Variants in ZMAT4 observed in about 807,000 individuals in gnomAD.
ZMAT4 encodes the protein zinc finger matrin-type 4.
Under a neutral mutation model 28.7 loss-of-function variants are expected in ZMAT4, and 17 were observed. That is an observed-to-expected ratio of 0.59 (90% confidence interval 0.41 to 0.89). ZMAT4 has a LOEUF of 0.89. ZMAT4 is among the 40% of genes least tolerant of loss of function. The probability of loss-of-function intolerance (pLI) is 0.00; values close to 1 mark genes in which losing one functional copy is unlikely to be tolerated. For missense variants in ZMAT4, 240 were observed against 283.8 expected, an observed-to-expected ratio of 0.85 and a Z score of 1.11; for synonymous variants, 117 against 109.2, an observed-to-expected ratio of 1.07 and a Z score of -0.44.
rs990107846 is a variant in ZMAT4 at position 40,713,955 on chromosome 8, AAAAAG to A, written c.193-16559_193-16555del. 4.0e-5 allele frequency among the ~76,000 whole-genome samples: 6 copies of A among 151,456 alleles called. No individual in the cohort carries two copies. In the East Asian group the frequency reaches 7.7e-4, roughly 19 times the overall value. ...AAAAAAAAAAGAAAAAGAAAAAGAA[AAAAAG>A]AAAAGAAAAGAAATATACATATCCA... On this transcript the variant is annotated intron_variant, in intron 3 of 6. Transcript: ENST00000297737.
intron 6 of ZMAT4, among the ~76,000 whole-genome samples, chr8:40,538,031 A>G (rs993972902): frequency 3.9e-5 from 6 of 152,224 alleles, no homozygotes; most frequent in African/African-American, 1.4e-4. Context: ...CTGCTCAGCC[A>G]GGGCTCTTTT....
Position 40,748,236 on chromosome 8 carries a change from G to A in ZMAT4, c.192+19405C>T, listed in dbSNP as rs140549395. Among the ~76,000 whole-genome samples, 265 of 152,188 alleles carry A rather than the reference G, an allele frequency of 1.7e-3. 1 individual carries two copies. Among genetic ancestry groups the A allele is most frequent in the African/African-American group, 5.5e-3 (229 of 41,512 alleles). ...GACAAAACTAATAGATGAATTATACGTGATTACAAAACTATTTTGCTATAC... is the reference window on the plus strand; with the variant it reads ...GACAAAACTAATAGATGAATTATACATGATTACAAAACTATTTTGCTATAC... On this transcript the variant is annotated intron_variant, in intron 3 of 6. Coordinates refer to ENST00000297737, the MANE Select transcript of ZMAT4 (RefSeq NM_024645.3).
intron 6 of ZMAT4, among the ~76,000 whole-genome samples, chr8:40,547,152 G>C (rs902127994): frequency 2.0e-5 from 3 of 152,174 alleles, no homozygotes; most frequent in African/African-American, 7.2e-5. Flanking sequence ...AACTCTTAGC[G>C]GGCTTGCGTG....
At chr8:40,715,611 G>T (rs972717553) in intron 3 of ZMAT4, among the ~76,000 whole-genome samples, 2 of 152,054 alleles carry the variant, frequency 1.3e-5, no homozygotes, top group South Asian at 4.1e-4. Context: ...TAATTATTTA[G>T]AGTAAGTAAA....
chr8:40,698,904 A>G (rs543020881), intron 3 of ZMAT4, among the ~76,000 whole-genome samples: 37 of 151,754 alleles, frequency 2.4e-4, no homozygotes, highest in Non-Finnish European at 5.0e-4. Flanking sequence ...CTTTCCCAAT[A>G]GGTCCTCTCC....
chr8:40,562,752 G>A (rs1047634399), intron 6 of ZMAT4, among the ~76,000 whole-genome samples: 2 of 151,896 alleles, frequency 1.3e-5, no homozygotes, highest in African/African-American at 4.8e-5. Context: ...CTTTCTACTT[G>A]ACTCTTTCTG....
chr8:40,704,174 G>T (rs1810258842), intron 3 of ZMAT4, among the ~76,000 whole-genome samples: 1 of 152,228 alleles, frequency 6.6e-6, no homozygotes, highest in African/African-American at 2.4e-5. Flanking sequence ...TATTTCCAGT[G>T]TTATGCATGT....
intron 5 of ZMAT4, among the ~76,000 whole-genome samples, chr8:40,654,146 A>C (rs922375974): frequency 6.6e-6 from 1 of 152,188 alleles, no homozygotes; most frequent in Non-Finnish European, 1.5e-5. Context: ...TCATAGGCAA[A>C]ATAAATCTTG....
chr8:40,847,305 G>A (rs569357889), intron 1 of ZMAT4, among the ~76,000 whole-genome samples: 1 of 152,112 alleles, frequency 6.6e-6, no homozygotes, highest in Non-Finnish European at 1.5e-5. Context: ...AATGCGTAGA[G>A]TCATATTTGC....
chr8:40,780,304 G>T (rs1237095670), intron 2 of ZMAT4, among the ~76,000 whole-genome samples: 1 of 152,102 alleles, frequency 6.6e-6, no homozygotes, highest in Non-Finnish European at 1.5e-5. Flanking sequence ...CTACCACAAA[G>T]CCTGTTTTAT....
rs75212049 is a variant in ZMAT4, at chr8:40,546,344, C to T, written c.675-14106G>A. Among the ~76,000 whole-genome samples, 29 of 151,396 alleles carry T rather than the reference C, an allele frequency of 1.9e-4. No individual in the cohort carries two copies. In the East Asian group the frequency reaches 5.5e-3, roughly 28 times the overall value. On this transcript the variant is annotated intron_variant, in intron 6 of 6. Transcript: ENST00000297737. Reference sequence around the variant, plus strand: ...AAATCATCTTCAAATGCATCCCTTACATAACTCTAGGTTCTATGGAGACGT... The same window carrying T: ...AAATCATCTTCAAATGCATCCCTTATATAACTCTAGGTTCTATGGAGACGT...
chr8:40,614,819 C>T (rs1040920916), intron 5 of ZMAT4, among the ~76,000 whole-genome samples: 3 of 152,110 alleles, frequency 2.0e-5, no homozygotes, highest in Non-Finnish European at 4.4e-5. Flanking sequence ...CTATGTGTGT[C>T]TCTGCACGTG....
At position 40,591,782 on chromosome 8, in the gene ZMAT4, A is replaced by T. The variant is rs150275762; in HGVS notation, c.578-10521T>A. On this transcript the variant is annotated intron_variant, in intron 5 of 6. Coordinates refer to ENST00000297737, the MANE Select transcript of ZMAT4 (RefSeq NM_024645.3). ...GCCAAGAGAAGAAAGCTTTCCTAAG[A>T]GGATGAAAGGGTTGTTATTATCACA... Among the ~76,000 whole-genome samples the T allele has an allele frequency of 2.0e-5, 3 of 152,326 alleles. No homozygotes were observed. The East Asian group carries it at 5.8e-4, about 29-fold the overall frequency.
intron 2 of ZMAT4, among the ~76,000 whole-genome samples, chr8:40,808,836 G>A: frequency 6.8e-6 from 1 of 146,918 alleles, no homozygotes; most frequent in East Asian, 2.0e-4. Context: ...TGCTTATCCT[G>A]GATGCCAACT....
intron 1 of ZMAT4, among the ~76,000 whole-genome samples, chr8:40,887,491 A>G (rs1376883090): frequency 1.5e-5 from 1 of 66,660 alleles, no homozygotes; most frequent in East Asian, 2.4e-4. Flanking sequence ...TTCATCTCAG[A>G]AAAAAAAAAA....
At chr8:40,578,439 C>G (rs576621498) in intron 6 of ZMAT4, among the ~76,000 whole-genome samples, 1 of 152,038 alleles carries the variant, frequency 6.6e-6, no homozygotes, top group East Asian at 1.9e-4. Flanking sequence ...TCAGGATAAG[C>G]AGAGAATTCT....
At chr8:40,830,063 C>T (rs983475160) in intron 1 of ZMAT4, among the ~76,000 whole-genome samples, 1 of 152,136 alleles carries the variant, frequency 6.6e-6, no homozygotes, top group Non-Finnish European at 1.5e-5. Flanking sequence ...TTTCAGGATC[C>T]TCAGAGGCAG....
chr8:40,768,145 G>A (rs7841685), intron 2 of ZMAT4, among the ~76,000 whole-genome samples: 25,822 of 152,072 alleles, frequency 0.17, 3,466 homozygotes, highest in East Asian at 0.6. Context: ...GGAGCCTGGT[G>A]CACCTCACCC....
chr8:40,758,425 T>C (rs1812785234), intron 3 of ZMAT4, among the ~76,000 whole-genome samples: 2 of 152,196 alleles, frequency 1.3e-5, no homozygotes, highest in African/African-American at 4.8e-5. Context: ...TATGTTATCA[T>C]TATCCCTTTC....
Sources: allele counts gnomAD v4.1 joint callset (sites outside exome capture counted in the v4.1 genomes callset), GRCh38; gene constraint gnomAD v4.1.1; transcripts MANE v1.5; gene names NCBI Gene and HGNC (gene_info 2026-07-23, HGNC 2026-07-21).